Variants in SMPD3 observed in about 807,000 individuals in gnomAD.
SMPD3 encodes sphingomyelin phosphodiesterase 3, also known as nSMase-2.
A neutral mutation model predicts 55.7 loss-of-function variants in SMPD3; 21 were observed. The ratio of observed to expected loss-of-function variants is 0.38; its 90% CI spans 0.27 to 0.54. The LOEUF (loss-of-function observed/expected upper bound fraction) is 0.54, where lower values mean the gene tolerates loss of function less well. Ranked by LOEUF, SMPD3 falls within the 20% of genes least tolerant of loss-of-function variation. SMPD3 has a pLI of 0.80. For missense variants in SMPD3, 842 were observed against 899.6 expected, an observed-to-expected ratio of 0.94 and a Z score of 0.82; for synonymous variants, 457 against 404.3, an observed-to-expected ratio of 1.13 and a Z score of -1.56.
intron 7 of SMPD3, among the ~76,000 whole-genome samples, chr16:68,362,039 C>T (rs1448019643): frequency 6.6e-6 from 1 of 152,222 alleles, no homozygotes; most frequent in East Asian, 1.9e-4. Context: ...TGAACTCGGA[C>T]AGAACTGATC....
intron 1 of SMPD3, among the ~76,000 whole-genome samples, chr16:68,443,970 C>T (rs1489858074): frequency 6.6e-6 from 1 of 152,202 alleles, no homozygotes; most frequent in Non-Finnish European, 1.5e-5. Context: ...TATGCCACCA[C>T]CTACCTCACA....
At chr16:68,432,014 C>T (rs1215420256) in intron 1 of SMPD3, among the ~76,000 whole-genome samples, 2 of 151,734 alleles carry the variant, frequency 1.3e-5, no homozygotes, top group African/African-American at 2.4e-5. Context: ...ACTCGGGAGG[C>T]TGAGGCACGA....
At chr16:68,407,568 C>G (rs916053473) in intron 1 of SMPD3, among the ~76,000 whole-genome samples, 1 of 152,156 alleles carries the variant, frequency 6.6e-6, no homozygotes, top group Non-Finnish European at 1.5e-5. Flanking sequence ...CTTCAAGCCT[C>G]AAAGGATCCT....
intron 1 of SMPD3, among the ~76,000 whole-genome samples, chr16:68,419,698 T>C (rs762224566): frequency 6.6e-6 from 1 of 152,224 alleles, no homozygotes; most frequent in East Asian, 1.9e-4. Flanking sequence ...ATAGCACAGA[T>C]GCCCCAGGGC....
intron 1 of SMPD3, among the ~76,000 whole-genome samples, chr16:68,432,071 G>C (rs2090484943): frequency 1.3e-5 from 2 of 150,384 alleles, no homozygotes; most frequent in Admixed American, 1.3e-4. Context: ...CTGAGATTGT[G>C]CCACTGCACT....
chr16:68,402,588 A>G (rs978973304), intron 1 of SMPD3, among the ~76,000 whole-genome samples: 1 of 151,902 alleles, frequency 6.6e-6, no homozygotes, highest in South Asian at 2.1e-4. Flanking sequence ...GTTTATCCTC[A>G]TTTGTCATGG....
At chr16:68,414,877 T>C (rs1301649588) in intron 1 of SMPD3, among the ~76,000 whole-genome samples, 1 of 152,226 alleles carries the variant, frequency 6.6e-6, no homozygotes, top group African/African-American at 2.4e-5. Flanking sequence ...ATGATGAATC[T>C]GGAAGACTGA....
chr16:68,427,973 G>A (rs1277847131), intron 1 of SMPD3, among the ~76,000 whole-genome samples: 1 of 152,066 alleles, frequency 6.6e-6, no homozygotes, highest in African/African-American at 2.4e-5. Context: ...CTTCAGAGAG[G>A]GGAGGGTCTC....
At chr16:68,406,007 G>T (rs1257372377) in intron 1 of SMPD3, among the ~76,000 whole-genome samples, 4 of 152,164 alleles carry the variant, frequency 2.6e-5, no homozygotes, top group African/African-American at 9.7e-5. Context: ...CCCCTCTGAG[G>T]CACCCTTAGC....
intron 3 of SMPD3, among the ~76,000 whole-genome samples, chr16:68,365,978 G>A (rs778506544): frequency 6.6e-6 from 1 of 152,158 alleles, no homozygotes; most frequent in Non-Finnish European, 1.5e-5. Flanking sequence ...TGCACAGAGA[G>A]GCCGCTTACC....
At chr16:68,377,560 G>GC (rs749570084) in intron 2 of SMPD3, among the ~76,000 whole-genome samples, 2 of 152,214 alleles carry the variant, frequency 1.3e-5, no homozygotes, top group African/African-American at 2.4e-5. Context: ...CTGAGCCAGA[G>GC]CCCCCCTCCC....
chr16:68,371,821 C>T lies in SMPD3; in HGVS notation c.361G>A (p.Gly121Ser). The T allele has an allele frequency of 6.2e-7, 1 of 1,605,680 alleles. No individual in the cohort carries two copies. Among genetic ancestry groups the T allele is most frequent in the Non-Finnish European group, 8.5e-7 (1 of 1,176,742 alleles). The change falls in exon 3 of 9, where the codon GGC becomes AGC. Residue 121 changes from glycine (G) to serine (S), a missense_variant. Gly to Ser is a moderately conservative substitution (Grantham distance 56, BLOSUM62 0). Coordinates refer to ENST00000219334, the MANE Select transcript of SMPD3 (RefSeq NM_018667.4). ...GCAGTGGCAAAGCAGAAGCTTTTGCCAGGCCCCGTGCCCTTCCATTCACTG... is the reference window on the plus strand; with the variant it reads ...GCAGTGGCAAAGCAGAAGCTTTTGCTAGGCCCCGTGCCCTTCCATTCACTG... Reference protein sequence around the residue: ...LLSEWKGTGPGKSFCFATANV... With the variant: ...LLSEWKGTGPSKSFCFATANV...
intron 3 of SMPD3, chr16:68,370,076 G>T (rs1034179402): frequency 6.6e-6 from 1 of 152,262 alleles, no homozygotes; most frequent in African/African-American, 2.4e-5. Context: ...TCAGAAAACC[G>T]TGGAAGCACC....
At position 68,358,491 on chromosome 16, in the gene SMPD3, A is replaced by G. The variant is rs1295006763; in HGVS notation, c.*2715T>C. On this transcript the variant is annotated 3_prime_UTR_variant, in exon 9 of 9. Coordinates refer to ENST00000219334, the MANE Select transcript of SMPD3 (RefSeq NM_018667.4). ...TATATTTGATAATGTTTTTACCAAA[A>G]CCATAGGTGTGCTTACCATAGAAAA... is the stretch of plus-strand genomic sequence containing the variant. 2 of 152,664 alleles carry G rather than the reference A, an allele frequency of 1.3e-5. No individual in the cohort carries two copies. Among genetic ancestry groups the G allele is most frequent in the African/African-American group, 2.4e-5 (1 of 41,462 alleles). 9.5% of individuals were successfully genotyped at this position (152,664 alleles called of 1,614,324 possible).
Position 68,363,861 on chromosome 16 carries a change from TGTC to T in SMPD3, c.1558_1560del (p.Asp520del), listed in dbSNP as rs754343955. On this transcript the variant is annotated inframe_deletion and splice_region_variant, in exon 6 of 9. Transcript: ENST00000219334. The stretch of plus-strand genomic sequence containing the variant: ...AACAGGGAGTGTTGCTGCTCCAGCT[TGTC>T]GTCTGTGCGGGGAGGGAGGAAACGC... The T allele has an allele frequency of 1.7e-5, 26 of 1,561,576 alleles. No homozygotes were observed. The highest frequency in any genetic ancestry group is 1.5e-4 in the Admixed American group (8 of 52,280).
At position 68,404,126 on chromosome 16, in the gene SMPD3, C is replaced by T. The variant is rs2090233597; in HGVS notation, c.-268-17467G>A. Among the ~76,000 whole-genome samples, 1 of 152,072 alleles carries T rather than the reference C, an allele frequency of 6.6e-6. No homozygotes were observed. The highest frequency in any genetic ancestry group is 2.4e-5 in the African/African-American group (1 of 41,394). ...TGCCTCTCGGGCTCAAGAGATCCTC[C>T]CACCTCAGCCTCCCGAGTAGCTGGG... On this transcript the variant is annotated intron_variant, in intron 1 of 8. Coordinates refer to ENST00000219334, the MANE Select transcript of SMPD3 (RefSeq NM_018667.4). This position sits in a 1 kb window ranked among gnomAD's most constrained non-coding sequence, Gnocchi z 4.0.
At chr16:68,431,765 T>C (rs2152030038) in intron 1 of SMPD3, among the ~76,000 whole-genome samples, 1 of 152,134 alleles carries the variant, frequency 6.6e-6, no homozygotes, top group East Asian at 1.9e-4. Context: ...CTACTAAAAA[T>C]ACAAATATTA....
At chr16:68,438,868 C>T (rs2090545405) in intron 1 of SMPD3, among the ~76,000 whole-genome samples, 1 of 152,338 alleles carries the variant, frequency 6.6e-6, no homozygotes, top group South Asian at 2.1e-4. Context: ...TGGTTAAGAA[C>T]AGGCTCTGCA....
Position 68,361,726 on chromosome 16 carries a change from G to A in SMPD3, c.1743C>T (p.Tyr581=), listed in dbSNP as rs766847055. 8.1e-6 allele frequency: 13 copies of A among 1,612,896 alleles called. No individual in the cohort carries two copies. In the Admixed American group the frequency reaches 1.8e-4, roughly 23 times the overall value. Residue 581 remains tyrosine (Y), a synonymous_variant, in exon 8 of 9, where the codon TAC becomes TAT. Transcript: ENST00000219334. ...AGCTCTTGCTGGTGGGAAACGCCAG[G>A]TACTCCCTGCGGCCCTCCTCACTCT... is the stretch of plus-strand genomic sequence containing the variant. ...VLESEEGRRE[Y]LAFPTSKSSG...
Sources: allele counts gnomAD v4.1 joint callset (sites outside exome capture counted in the v4.1 genomes callset), GRCh38; gene constraint gnomAD v4.1.1; non-coding constraint Gnocchi (gnomAD v3.1); transcripts MANE v1.5; gene names NCBI Gene and HGNC (gene_info 2026-07-23, HGNC 2026-07-21).